Variants in CCDC102B observed in about 807,000 individuals in gnomAD.
CCDC102B encodes coiled-coil domain containing 102B, also known as coiled-coil domain-containing protein 102B.
CCDC102B carries 75 observed loss-of-function variants against 57.4 expected under a neutral mutation model. The ratio of observed to expected loss-of-function variants is 1.31; its 90% CI spans 1.08 to 1.58. CCDC102B has a LOEUF of 1.58. Ranked by LOEUF, CCDC102B falls within the 40% of genes most tolerant of loss-of-function variation. The pLI, the probability that CCDC102B is intolerant of heterozygous loss-of-function variation, is 0.00. For synonymous variants in CCDC102B, 206 were observed against 201.9 expected (o/e 1.02, Z -0.17); for missense variants, 636 against 582.6 (o/e 1.09, Z -0.94).
At chr18:68,800,916 T>C (rs555144327) in intron 1 of CCDC102B, among the ~76,000 whole-genome samples, 2 of 152,288 alleles carry the variant, frequency 1.3e-5, no homozygotes, top group South Asian at 2.1e-4. Flanking sequence ...ACATTACTTC[T>C]TCTCAAAGTA....
At chr18:68,973,322 C>A (rs1003515095) in intron 6 of CCDC102B, among the ~76,000 whole-genome samples, 7 of 152,030 alleles carry the variant, frequency 4.6e-5, no homozygotes, top group Non-Finnish European at 8.8e-5. Flanking sequence ...AAATATGATT[C>A]AGGGAAATGT....
chr18:68,741,327 G>T (rs886765178), intron 2 of CCDC102B, among the ~76,000 whole-genome samples: 4 of 152,126 alleles, frequency 2.6e-5, no homozygotes, highest in Non-Finnish European at 4.4e-5. Context: ...AACATGTATG[G>T]GCTGCACCAA....
At chr18:68,868,429 T>G (rs982438916) in intron 4 of CCDC102B, among the ~76,000 whole-genome samples, 1 of 152,186 alleles carries the variant, frequency 6.6e-6, no homozygotes, top group Non-Finnish European at 1.5e-5. Flanking sequence ...TTTGGCTAAA[T>G]TTTTTGAAGC....
intron 6 of CCDC102B, among the ~76,000 whole-genome samples, chr18:68,903,167 G>A (rs2040511087): frequency 6.6e-6 from 1 of 152,134 alleles, no homozygotes. Flanking sequence ...ACAGAGGGGA[G>A]TTTCACACAC....
chr18:68,953,840 A>C (rs1047201498), intron 6 of CCDC102B, among the ~76,000 whole-genome samples: 1 of 152,082 alleles, frequency 6.6e-6, no homozygotes, highest in Non-Finnish European at 1.5e-5. Context: ...CTAGTTCTTA[A>C]GTTTGTTGTT....
chr18:68,769,375 T>C (rs2034565811), intron 2 of CCDC102B, among the ~76,000 whole-genome samples: 1 of 152,142 alleles, frequency 6.6e-6, no homozygotes, highest in Admixed American at 6.5e-5. Context: ...TGATCTCATC[T>C]AACCCTTATT....
intron 6 of CCDC102B, among the ~76,000 whole-genome samples, chr18:68,956,353 T>TATATATATTA (rs1357015909): frequency 1.0e-3 from 2 of 1,984 alleles, no homozygotes; most frequent in Non-Finnish European, 2.5e-3. Context: ...TATATATTAA[T>TATATATATTA]ATATATAATA....
intron 2 of CCDC102B, among the ~76,000 whole-genome samples, chr18:68,749,713 C>G (rs2033771166): frequency 6.6e-6 from 1 of 152,138 alleles, no homozygotes; most frequent in Non-Finnish European, 1.5e-5. Context: ...ACAATCATGT[C>G]ATCTGCAAAC....
At chr18:69,018,774 C>G (rs1209536731) in intron 7 of CCDC102B, among the ~76,000 whole-genome samples, 2 of 151,654 alleles carry the variant, frequency 1.3e-5, no homozygotes, top group Non-Finnish European at 2.9e-5. Flanking sequence ...TTATGCAGTT[C>G]TAATTCGTTT....
chr18:68,795,386 C>CTGCTG (rs558604530), upstream of CCDC102B, among the ~76,000 whole-genome samples: 1 of 152,154 alleles, frequency 6.6e-6, no homozygotes, highest in South Asian at 2.1e-4. Context: ...AATTATATGT[C>CTGCTG]TATTAGTTCA....
At chr18:69,036,303 G>A (rs761707164) in intron 7 of CCDC102B, among the ~76,000 whole-genome samples, 1 of 151,928 alleles carries the variant, frequency 6.6e-6, no homozygotes, top group Non-Finnish European at 1.5e-5. Flanking sequence ...GAATATAGCC[G>A]AATCCTTGTT....
At chr18:68,735,311 G>A (rs1175504502) in intron 2 of CCDC102B, among the ~76,000 whole-genome samples, 2 of 152,014 alleles carry the variant, frequency 1.3e-5, no homozygotes, top group African/African-American at 2.4e-5. Context: ...TGCCTGCCTC[G>A]GCCTCCCAAA....
intron 4 of CCDC102B, chr18:68,866,695 G>A (rs1466332721): frequency 2.3e-5 from 11 of 484,942 alleles, no homozygotes; most frequent in Non-Finnish European, 3.6e-5. Context: ...ACTGTCTACA[G>A]TTTGGCCTCT....
chr18:68,929,346 G>A (rs907601638), intron 6 of CCDC102B, among the ~76,000 whole-genome samples: 2 of 151,790 alleles, frequency 1.3e-5, no homozygotes, highest in Non-Finnish European at 2.9e-5. Flanking sequence ...ATTTTATAAA[G>A]TTTTCTACCT....
chr18:68,731,140 C>A (rs1018902354), intron 2 of CCDC102B, among the ~76,000 whole-genome samples: 3 of 152,086 alleles, frequency 2.0e-5, no homozygotes, highest in Non-Finnish European at 2.9e-5. Context: ...ACATGCGCCA[C>A]CACCCCGGCT....
chr18:68,716,952 C>A lies in CCDC102B; in HGVS notation c.-67+358C>A, dbSNP rs953337794. Among the ~76,000 whole-genome samples, 28 of 152,072 alleles carry A rather than the reference C, an allele frequency of 1.8e-4. 1 individual carries two copies. Among genetic ancestry groups the A allele is most frequent in the Admixed American group, 1.7e-3 (26 of 15,278 alleles). On this transcript the variant is annotated intron_variant, in intron 2 of 3. Coordinates refer to the CCDC102B transcript ENST00000578970. The stretch of plus-strand genomic sequence containing the variant: ...AATTAGCTGGGCGTGGTGGCAGACA[C>A]CTGTGGTCCCAGCTACTTGGGAGGC...
rs1235797400 is a variant in CCDC102B, at chr18:68,874,212, G to GTGTGTA, written c.937-456_937-455insGTGTAT. Among the ~76,000 whole-genome samples, 369 of 120,640 alleles carry GTGTGTA rather than the reference G, an allele frequency of 3.1e-3. 4 individuals are homozygous for GTGTGTA. Among genetic ancestry groups the GTGTGTA allele is most frequent in the African/African-American group, 0.01 (352 of 33,616 alleles). The allele number at this position is 120,640 out of a possible 152,430, so 79.1% of individuals were successfully genotyped here. On this transcript the variant is annotated intron_variant, in intron 4 of 7. Coordinates refer to ENST00000360242, the MANE Select transcript of CCDC102B (RefSeq NM_024781.3). ...TGTGTGTGTGTGTGTGTGTGTGTGT[G>GTGTGTA]TATATATATATACTTTATTTCCATT...
At chr18:68,920,072 C>T (rs534898643) in intron 6 of CCDC102B, among the ~76,000 whole-genome samples, 10 of 152,158 alleles carry the variant, frequency 6.6e-5, no homozygotes, top group African/African-American at 2.4e-4. Context: ...CCAGGTATTG[C>T]ACCTTGTACC....
chr18:68,983,159 G>GTT (rs199978790), intron 6 of CCDC102B, among the ~76,000 whole-genome samples: 1 of 144,390 alleles, frequency 6.9e-6, no homozygotes, highest in African/African-American at 2.5e-5. Context: ...TGATTAAAAG[G>GTT]TTTTTTTTTT....
Sources: allele counts gnomAD v4.1 joint callset (sites outside exome capture counted in the v4.1 genomes callset), GRCh38; gene constraint gnomAD v4.1.1; transcripts MANE v1.5; gene names NCBI Gene and HGNC (gene_info 2026-07-23, HGNC 2026-07-21).